The following SNTA1 variants were observed in gnomAD, a reference collection of about 807,000 sequenced individuals.
SNTA1 encodes alpha-1-syntrophin.
A neutral mutation model predicts 47.1 loss-of-function variants in SNTA1; 31 were observed. The ratio of observed to expected loss-of-function variants is 0.66; its 90% CI spans 0.49 to 0.89. The LOEUF is 0.89. Among genes scored for constraint, SNTA1 ranks in the 40% least tolerant of loss-of-function variants. The pLI is 0.00. For missense variants in SNTA1, 575 were observed against 693.0 expected (o/e 0.83, Z 1.91); for synonymous variants, 300 against 313.6 (o/e 0.96, Z 0.46).
rs149590882 is a variant in SNTA1 at position 33,433,584 on chromosome 20, A to G, written c.496+5257T>C. On this transcript the variant is annotated intron_variant, in intron 2 of 7. Coordinates refer to ENST00000217381, the MANE Select transcript of SNTA1 (RefSeq NM_003098.3). Reference sequence around the variant, plus strand: ...GCCCAGCCAGCATTATTTTTAATGCATGACAGGCTCACTGTTGTCACAGTC... The same window carrying G: ...GCCCAGCCAGCATTATTTTTAATGCGTGACAGGCTCACTGTTGTCACAGTC... 1.1e-3 allele frequency among the ~76,000 whole-genome samples: 161 copies of G among 152,248 alleles called. 1 individual carries two copies. Among genetic ancestry groups the G allele is most frequent in the Admixed American group, 2.6e-3 (40 of 15,282 alleles).
At position 33,415,332 on chromosome 20, in the gene SNTA1, G is replaced by A. The variant is rs115781753; in HGVS notation, c.701+2387C>T. Among the ~76,000 whole-genome samples, 1,133 of 152,326 alleles carry A rather than the reference G, an allele frequency of 7.4e-3. 10 individuals are homozygous for A. The highest frequency in any genetic ancestry group is 0.026 in the African/African-American group (1,066 of 41,560). On this transcript the variant is annotated intron_variant, in intron 3 of 7. Coordinates refer to ENST00000217381, the MANE Select transcript of SNTA1 (RefSeq NM_003098.3). ...CTAAGGTTCTATGAGTCTCTAGAAG[G>A]ACTAATACTACTTCACCTTCACACT...
chr20:33,418,431 G>C (rs1299106261), intron 2 of SNTA1, among the ~76,000 whole-genome samples: 2 of 151,892 alleles, frequency 1.3e-5, no homozygotes, highest in African/African-American at 4.8e-5. Flanking sequence ...TTAATTTTTT[G>C]TAGAGATGGG....
chr20:33,408,917 C>T, intron 6 of SNTA1, 29 bp from the exon 7 acceptor site: 1 of 1,601,162 alleles, frequency 6.2e-7, no homozygotes, highest in Non-Finnish European at 8.6e-7. Flanking sequence ...GGTACAGGCA[C>T]AGCTGGCACC....
At chr20:33,432,115 C>T (rs1231771448) in intron 2 of SNTA1, among the ~76,000 whole-genome samples, 1 of 152,226 alleles carries the variant, frequency 6.6e-6, no homozygotes, top group Non-Finnish European at 1.5e-5. Flanking sequence ...GAGTTCCATT[C>T]ATGCCCTCTT....
chr20:33,417,898 C>A lies in SNTA1; in HGVS notation c.522G>T (p.Pro174=). Residue 174 remains proline, a synonymous_variant, in exon 3 of 8, where the codon CCG becomes CCT. Transcript: ENST00000217381. ...LEVKYMKDVS[P]YFKNSTGGTS... ...TCCCACCAGTAGAGTTCTTGAAATA[C>A]GGTGAGACGTCCTTCATATACTTGA... is the stretch of plus-strand genomic sequence containing the variant. The A allele has an allele frequency of 6.2e-7, 1 of 1,613,668 alleles. No homozygotes were observed. The highest frequency in any genetic ancestry group is 8.5e-7 in the Non-Finnish European group (1 of 1,179,606).
chr20:33,438,773 G>A (rs2146807825), intron 2 of SNTA1, 68 bp downstream of exon 2: 1 of 1,337,612 alleles, frequency 7.5e-7, no homozygotes, highest in East Asian at 2.3e-5. Flanking sequence ...TCTGAGGCCT[G>A]GGGGAGGTAG....
At chr20:33,437,324 G>C (rs1248797117) in intron 2 of SNTA1, among the ~76,000 whole-genome samples, 1 of 151,092 alleles carries the variant, frequency 6.6e-6, no homozygotes, top group East Asian at 1.9e-4. Context: ...CCACTCAGGA[G>C]GTTGAGGTGG....
chr20:33,414,245 C>CAAAA (rs56186098), intron 3 of SNTA1, among the ~76,000 whole-genome samples: 1,446 of 29,192 alleles, frequency 0.05, 198 homozygotes, highest in Non-Finnish European at 0.074. Flanking sequence ...TCTCAAAAAC[C>CAAAA]AAAAAAAAAA....
At chr20:33,412,810 G>C in intron 3 of SNTA1, 28 bp from the exon 4 acceptor site, 1 of 1,522,890 alleles carries the variant, frequency 6.6e-7, no homozygotes, top group East Asian at 2.3e-5. Flanking sequence ...TGGAGACAAG[G>C]ACCTGACCAT....
At chr20:33,433,903 GC>G (rs1222957077) in intron 2 of SNTA1, among the ~76,000 whole-genome samples, 1 of 152,126 alleles carries the variant, frequency 6.6e-6, no homozygotes, top group East Asian at 1.9e-4. Flanking sequence ...GCTCAGCTGA[GC>G]CCCCAACTTA....
chr20:33,438,885 G>A lies in SNTA1; in HGVS notation c.452C>T (p.Ala151Val), dbSNP rs772936861. 9.3e-6 allele frequency: 15 copies of A among 1,613,864 alleles called. No individual in the cohort carries two copies. The African/African-American group carries it at 1.2e-4, about 13-fold the overall frequency. Residue 151 changes from alanine to valine, a missense_variant, in exon 2 of 8, where the codon GCG (alanine) becomes GTG (valine). By Grantham distance (64) the Ala-to-Val change is moderately conservative. Coordinates refer to ENST00000217381, the MANE Select transcript of SNTA1 (RefSeq NM_003098.3). The stretch of plus-strand genomic sequence containing the variant: ...GCCTGTCTTCTTGAGGACCTGCACC[G>A]CCTCATCATGGGTAGCAGAGGACAA... ...EDLSSATHDE[A>V]VQVLKKTGKE...
chr20:33,434,583 C>T (rs535781827), intron 2 of SNTA1, among the ~76,000 whole-genome samples: 3 of 152,292 alleles, frequency 2.0e-5, no homozygotes, highest in Non-Finnish European at 2.9e-5. Context: ...TTCTCTACTG[C>T]ATCTGTAGTA....
chr20:33,419,105 CA>C (rs74451713), intron 2 of SNTA1, among the ~76,000 whole-genome samples: 204 of 143,096 alleles, frequency 1.4e-3, no homozygotes, highest in Admixed American at 1.5e-3. Context: ...GCGACTGCCT[CA>C]AAAAAAAAAA....
intron 2 of SNTA1, among the ~76,000 whole-genome samples, chr20:33,426,310 G>A (rs1340207234): frequency 6.7e-6 from 1 of 148,520 alleles, no homozygotes; most frequent in Non-Finnish European, 1.5e-5. Flanking sequence ...AATTAGCCAG[G>A]TGTGGTGGCA....
rs929041171 is a variant in SNTA1, at chr20:33,443,394, T to C, written c.227A>G (p.Gln76Arg). The C allele has an allele frequency of 2.9e-6, 4 of 1,369,428 alleles. No individual in the cohort carries two copies. The highest frequency in any genetic ancestry group is 3.1e-5 in the African/African-American group (2 of 65,414). The allele number at this position is 1,369,428 out of a possible 1,614,324, so 84.8% of individuals were successfully genotyped here. A position where few individuals can be genotyped will look rare whatever the true frequency, so the allele number is the denominator to read the frequency against. Reference sequence around the variant, plus strand: ...CTGGAGCAGTAGCGCCTCTGGCAGCTGCGGGGGCCCGGCGCCCGGCTCCGC... The same window carrying C: ...CTGGAGCAGTAGCGCCTCTGGCAGCCGCGGGGGCCCGGCGCCCGGCTCCGC... ...GAAEPGAGPP[Q>R]LPEALLLQRR... Residue 76 changes from glutamine (Q) to arginine (R), a missense_variant, in exon 1 of 8, where the codon CAG becomes CGG. By Grantham distance (43) the Gln-to-Arg change is conservative. Transcript: ENST00000217381.
intron 2 of SNTA1, among the ~76,000 whole-genome samples, chr20:33,421,681 C>T (rs1990025288): frequency 6.6e-6 from 1 of 151,622 alleles, no homozygotes; most frequent in Admixed American, 6.6e-5. Context: ...TACAGCCAGA[C>T]ATGGTGGCTC....
At chr20:33,415,162 AAC>A (rs761736897) in intron 3 of SNTA1, among the ~76,000 whole-genome samples, 25 of 152,206 alleles carry the variant, frequency 1.6e-4, no homozygotes, top group East Asian at 7.7e-4. Flanking sequence ...CATATAAACA[AAC>A]ACACATGTAC....
intron 2 of SNTA1, among the ~76,000 whole-genome samples, chr20:33,419,910 C>T (rs1034642005): frequency 1.3e-5 from 2 of 151,914 alleles, no homozygotes; most frequent in Non-Finnish European, 2.9e-5. Context: ...CCTAGTGCAA[C>T]GACAGCCACT....
At chr20:33,426,181 A>G (rs1447478671) in intron 2 of SNTA1, among the ~76,000 whole-genome samples, 1 of 150,740 alleles carries the variant, frequency 6.6e-6, no homozygotes, top group Admixed American at 6.7e-5. Flanking sequence ...AGGCGCAGTG[A>G]CTCACGCCTG....
Sources: gnomAD v4.1 joint callset for allele counts (sites outside exome capture counted in the v4.1 genomes callset) on GRCh38, gnomAD v4.1.1 for gene constraint, MANE v1.5 for transcripts, NCBI Gene and HGNC (gene_info 2026-07-23, HGNC 2026-07-21) for gene names.